CA1: variants seen among roughly 807,000 people sequenced by gnomAD.
CA1 encodes the protein carbonate dehydratase I.
CA1 carries 27 observed loss-of-function variants against 28.8 expected under a neutral mutation model. The ratio of observed to expected loss-of-function variants is 0.94; its 90% CI spans 0.69 to 1.29. CA1 has a LOEUF of 1.29. Ranked by LOEUF, CA1 falls within the 50% of genes most tolerant of loss-of-function variation. CA1 has a pLI of 0.00. For synonymous variants in CA1, 121 were observed against 108.8 expected (o/e 1.11, Z -0.70); for missense variants, 335 against 310.5 (o/e 1.08, Z -0.59).
intron 1 of CA1, among the ~76,000 whole-genome samples, chr8:85,366,133 A>T (rs1809997137): frequency 6.8e-6 from 1 of 146,996 alleles, no homozygotes; most frequent in African/African-American, 2.5e-5. Context: ...ACAGTTAAGG[A>T]GGGGAGAAGC....
chr8:85,352,415 G>A (rs1483692148), intron 1 of CA1, among the ~76,000 whole-genome samples: 1 of 152,190 alleles, frequency 6.6e-6, no homozygotes, highest in Non-Finnish European at 1.5e-5. Flanking sequence ...GTGTGAACCT[G>A]TCTTTTCTGG....
rs117751788 is a variant in CA1, at chr8:85,362,654, G to A, written c.-25+15392C>T. Reference sequence around the variant, plus strand: ...AAAATTGGGAGTATAATTGTGGTGCGTAGGGGAAGAGCAAGGGGAGTTAGT... The same window carrying A: ...AAAATTGGGAGTATAATTGTGGTGCATAGGGGAAGAGCAAGGGGAGTTAGT... On this transcript the variant is annotated intron_variant, in intron 1 of 7. Transcript: ENST00000523022. Among the ~76,000 whole-genome samples the A allele has an allele frequency of 1.8e-3, 272 of 152,236 alleles. 1 individual carries two copies. Among genetic ancestry groups the A allele is most frequent in the East Asian group, 0.012 (60 of 5,176 alleles).
chr8:85,369,135 G>A (rs143362488), intron 1 of CA1, among the ~76,000 whole-genome samples: 10 of 152,088 alleles, frequency 6.6e-5, no homozygotes, highest in Admixed American at 3.3e-4. Context: ...GTTAAACTGC[G>A]CATCATAACT....
chr8:85,328,635 A>G lies in CA1; in HGVS notation c.711T>C (p.Asp237=). Reference sequence around the variant, plus strand: ...TGTTGTGCTGCATGGGGACAGCGTTATCACCTTCAACATTTGATAGAAGGC... The same window carrying G: ...TGTTGTGCTGCATGGGGACAGCGTTGTCACCTTCAACATTTGATAGAAGGC... ...FRSLLSNVEG[D]NAVPMQHNNR... is the part of the protein sequence containing the mutation. Residue 237 remains aspartate, a synonymous_variant, in exon 8 of 8, where the codon GAT becomes GAC. Transcript: ENST00000523022. 3.1e-6 allele frequency: 5 copies of G among 1,611,236 alleles called. No homozygotes were observed. The highest frequency in any genetic ancestry group is 4.2e-6 in the Non-Finnish European group (5 of 1,178,028).
chr8:85,376,372 G>A (rs1810415959), intron 1 of CA1, among the ~76,000 whole-genome samples: 1 of 150,338 alleles, frequency 6.7e-6, no homozygotes, highest in Non-Finnish European at 1.5e-5. Context: ...TTAAAAATTG[G>A]GTAAGGGGGC....
intron 1 of CA1, among the ~76,000 whole-genome samples, chr8:85,361,686 T>C (rs1489241799): frequency 6.6e-6 from 1 of 152,066 alleles, no homozygotes; most frequent in Non-Finnish European, 1.5e-5. Context: ...AGAGCAAGAC[T>C]CTGTCAAAAA....
At chr8:85,333,944 A>G (rs1345758281) in intron 4 of CA1, among the ~76,000 whole-genome samples, 1 of 152,206 alleles carries the variant, frequency 6.6e-6, no homozygotes, top group Non-Finnish European at 1.5e-5. Flanking sequence ...TGGGAAAATA[A>G]TTGAAGTAAT....
intron 1 of CA1, among the ~76,000 whole-genome samples, chr8:85,344,951 T>C (rs1809118497): frequency 6.6e-6 from 1 of 152,150 alleles, no homozygotes; most frequent in Admixed American, 6.5e-5. Flanking sequence ...GCCTCCTAAA[T>C]TCCCTGCCCC....
intron 1 of CA1, among the ~76,000 whole-genome samples, chr8:85,374,426 A>G (rs1810335822): frequency 6.6e-6 from 1 of 152,216 alleles, no homozygotes; most frequent in South Asian, 2.1e-4. Flanking sequence ...TGGGATTCAT[A>G]AAACTTCACA....
chr8:85,335,722 A>T (rs1585919035), intron 4 of CA1, among the ~76,000 whole-genome samples: 1 of 152,278 alleles, frequency 6.6e-6, no homozygotes, highest in Non-Finnish European at 1.5e-5. Context: ...GATACTACCA[A>T]CTATCCTTCC....
At chr8:85,372,207 A>G (rs1385670840) in intron 1 of CA1, among the ~76,000 whole-genome samples, 1 of 152,176 alleles carries the variant, frequency 6.6e-6, no homozygotes, top group Non-Finnish European at 1.5e-5. Flanking sequence ...ACGCGAGCAC[A>G]GAGAAGACCC....
intron 7 of CA1, among the ~76,000 whole-genome samples, chr8:85,329,207 A>G (rs187317200): frequency 1.4e-4 from 22 of 152,342 alleles, no homozygotes; most frequent in Admixed American, 1.4e-3. Context: ...GGCACGTAAT[A>G]AACATGGTAG....
intron 7 of CA1, among the ~76,000 whole-genome samples, chr8:85,329,363 C>G (rs1437767973): frequency 6.6e-6 from 1 of 152,032 alleles, no homozygotes; most frequent in African/African-American, 2.4e-5. Context: ...CCACAATTCC[C>G]CAAAGTCTTA....
chr8:85,372,622 G>T (rs550399502), intron 1 of CA1, among the ~76,000 whole-genome samples: 2 of 152,178 alleles, frequency 1.3e-5, no homozygotes, highest in Non-Finnish European at 2.9e-5. Context: ...TATATATACA[G>T]TAGTTTCCCC....
At chr8:85,359,707 A>G (rs1396031648) in intron 1 of CA1, among the ~76,000 whole-genome samples, 3 of 152,242 alleles carry the variant, frequency 2.0e-5, no homozygotes, top group Non-Finnish European at 4.4e-5. Flanking sequence ...AGAGCACAGA[A>G]GAAGCTGCTC....
At chr8:85,336,649 G>A (rs1165079878) in intron 4 of CA1, among the ~76,000 whole-genome samples, 1 of 152,186 alleles carries the variant, frequency 6.6e-6, no homozygotes, top group Non-Finnish European at 1.5e-5. Context: ...AGCTTTAAAG[G>A]AGGAGCAGTG....
intron 2 of CA1, among the ~76,000 whole-genome samples, chr8:85,340,355 A>G (rs896624045): frequency 2.0e-5 from 3 of 152,162 alleles, no homozygotes; most frequent in African/African-American, 7.2e-5. Flanking sequence ...ATCTATTTAC[A>G]GCCTGGTTTA....
intron 1 of CA1, among the ~76,000 whole-genome samples, chr8:85,377,060 AAATTT>A (rs1810445172): frequency 6.6e-6 from 1 of 152,216 alleles, no homozygotes; most frequent in Non-Finnish European, 1.5e-5. Context: ...TTAACTTTAG[AAATTT>A]AATTATTTAA....
chr8:85,338,257 C>T lies in CA1; in HGVS notation c.230G>A (p.Arg77Gln), dbSNP rs1204622545. The change falls in exon 3 of 8, where the codon CGA becomes CAA. Residue 77 changes from arginine (R) to glutamine (Q), a missense_variant. Arg to Gln is a conservative substitution (Grantham distance 43, BLOSUM62 1). Transcript: ENST00000523022. ...AGAAGGGTCTTTCAGCTCACCTGAT[C>T]GGTTATCGTTGTCCTCAAAATTTAC... is the stretch of plus-strand genomic sequence containing the variant. ...FHVNFEDNDN[R>Q]SVLKGGPFSD... 1.4e-5 allele frequency: 22 copies of T among 1,612,440 alleles called. No homozygotes were observed. Among genetic ancestry groups the T allele is most frequent in the South Asian group, 3.3e-5 (3 of 91,040 alleles).
Sources: gnomAD v4.1 joint callset for allele counts (sites outside exome capture counted in the v4.1 genomes callset) on GRCh38, gnomAD v4.1.1 for gene constraint, MANE v1.5 for transcripts, NCBI Gene and HGNC (gene_info 2026-07-23, HGNC 2026-07-21) for gene names.